Variants in GPATCH8 observed in about 807,000 individuals in gnomAD.
GPATCH8 encodes G-patch domain containing 8.
Under a neutral mutation model 118.3 loss-of-function variants are expected in GPATCH8, and 18 were observed. The observed-to-expected ratio is 0.15, with a 90% CI of 0.11 to 0.23. The LOEUF (loss-of-function observed/expected upper bound fraction) is 0.23. Among genes scored for constraint, GPATCH8 ranks in the 10% least tolerant of loss-of-function variants. The pLI is 1.00. For missense variants in GPATCH8, 1,631 were observed against 1,873.8 expected, an observed-to-expected ratio of 0.87 and a Z score of 2.39; for synonymous variants, 659 against 684.7, an observed-to-expected ratio of 0.96 and a Z score of 0.59.
At chr17:44,474,991 C>A in intron 1 of GPATCH8, 88 bp from the exon 2 acceptor site, 1 of 713,878 alleles carries the variant, frequency 1.4e-6, no homozygotes. Context: ...TTATTTTTAA[C>A]TTTTCTTTTT....
chr17:44,433,000 C>T (rs1034229158), intron 5 of GPATCH8, among the ~76,000 whole-genome samples: 1 of 152,058 alleles, frequency 6.6e-6, no homozygotes, highest in Non-Finnish European at 1.5e-5. Context: ...ACCACCAACA[C>T]CTAGCTATTT....
chr17:44,411,218 G>A (rs910429505), intron 6 of GPATCH8, among the ~76,000 whole-genome samples: 3 of 152,022 alleles, frequency 2.0e-5, no homozygotes, highest in Admixed American at 6.6e-5. Flanking sequence ...CAAGAAATAC[G>A]GCCTCTTTCT....
chr17:44,418,256 T>G (rs2049761112), intron 6 of GPATCH8, among the ~76,000 whole-genome samples: 1 of 152,144 alleles, frequency 6.6e-6, no homozygotes, highest in Non-Finnish European at 1.5e-5. Flanking sequence ...GGAAACAATA[T>G]TCTTTGGAGT....
At chr17:44,465,385 T>C (rs1250669885) in intron 2 of GPATCH8, 2 of 152,170 alleles carry the variant, frequency 1.3e-5, no homozygotes, top group Admixed American at 6.5e-5. Flanking sequence ...GGTATTTCAA[T>C]GTAAACTGCA....
Position 44,406,054 on chromosome 17 carries a change from G to A in GPATCH8, c.493-3C>T, listed in dbSNP as rs2049208674. 1 of 1,597,238 alleles carries A rather than the reference G, an allele frequency of 6.3e-7. No individual in the cohort carries two copies. The highest frequency in any genetic ancestry group is 1.3e-5 in the African/African-American group (1 of 74,628). ...CTCTGCTTCAGATCTTTTAATCTCT[G>A]GGTTAAAAGAAAGAAAGATACAGAG... On this transcript the variant is annotated splice_polypyrimidine_tract_variant and splice_region_variant and intron_variant, in intron 6 of 7. Coordinates refer to ENST00000591680, the MANE Select transcript of GPATCH8 (RefSeq NM_001002909.4).
At chr17:44,458,993 G>A (rs2051446362) in intron 3 of GPATCH8, among the ~76,000 whole-genome samples, 2 of 152,150 alleles carry the variant, frequency 1.3e-5, no homozygotes. Flanking sequence ...GTGGGGTAAG[G>A]AATGACAATG....
chr17:44,440,305 A>G (rs546446889), intron 3 of GPATCH8, among the ~76,000 whole-genome samples: 31 of 152,256 alleles, frequency 2.0e-4, no homozygotes, highest in Admixed American at 3.9e-4. Flanking sequence ...GAGAAGGGAA[A>G]GGAAACACAT....
chr17:44,489,504 C>T lies in GPATCH8; in HGVS notation c.45+13822G>A, dbSNP rs561722016. 3.5e-3 allele frequency among the ~76,000 whole-genome samples: 537 copies of T among 152,226 alleles called. 1 individual carries two copies. Among genetic ancestry groups the T allele is most frequent in the African/African-American group, 0.012 (507 of 41,530 alleles). On this transcript the variant is annotated intron_variant, in intron 1 of 7. Transcript: ENST00000591680. ...TACAGGCACCCGCCATCATGCCTGG[C>T]TAATTTTTGTATTTTAGTAGAGACG...
Position 44,399,102 on chromosome 17 carries a change from C to T in GPATCH8, c.2975G>A (p.Arg992His), listed in dbSNP as rs772254468. The change falls in exon 8 of 8, where the codon CGC becomes CAC. Residue 992 changes from arginine to histidine, a missense_variant. Coordinates refer to ENST00000591680, the MANE Select transcript of GPATCH8 (RefSeq NM_001002909.4). ...WQRSRSYSRD[R>H]SRSTRSPSQR... ...GGAAGGGCTCCTGGTGCTGCGGCTGCGGTCCCGGCTATAGCTCCGGCTCCG... is the reference window on the plus strand; with the variant it reads ...GGAAGGGCTCCTGGTGCTGCGGCTGTGGTCCCGGCTATAGCTCCGGCTCCG... The T allele has an allele frequency of 3.7e-5, 60 of 1,613,556 alleles. 1 individual carries two copies. The South Asian group carries it at 5.2e-4, about 14-fold the overall frequency.
chr17:44,484,802 A>G (rs931440803), intron 1 of GPATCH8, among the ~76,000 whole-genome samples: 4 of 152,132 alleles, frequency 2.6e-5, no homozygotes, highest in East Asian at 1.9e-4. Flanking sequence ...TCAATGTATC[A>G]TAAGTGCTAT....
At chr17:44,467,413 C>T (rs561977001) in intron 2 of GPATCH8, among the ~76,000 whole-genome samples, 1 of 152,088 alleles carries the variant, frequency 6.6e-6, no homozygotes, top group Non-Finnish European at 1.5e-5. Context: ...TGGCTGTCAC[C>T]TTCTCAGAAA....
At chr17:44,453,198 T>G (rs2051181479) in intron 3 of GPATCH8, among the ~76,000 whole-genome samples, 1 of 152,168 alleles carries the variant, frequency 6.6e-6, no homozygotes, top group African/African-American at 2.4e-5. Flanking sequence ...GCTTACAAAA[T>G]ACAATTCCAG....
Position 44,403,445 on chromosome 17 carries a change from C to G in GPATCH8, c.624-1992G>C, listed in dbSNP as rs963103180. Among the ~76,000 whole-genome samples, 5 of 152,062 alleles carry G rather than the reference C, an allele frequency of 3.3e-5. No homozygotes were observed. In the South Asian group the frequency reaches 6.2e-4, roughly 19 times the overall value. On this transcript the variant is annotated intron_variant, in intron 7 of 7. Coordinates refer to ENST00000591680, the MANE Select transcript of GPATCH8 (RefSeq NM_001002909.4). ...TGTTGACCAGTTTGGTCTTGAACAC[C>G]TGGCCTCAAGTGATCCTCCTGCCTC...
chr17:44,502,425 C>G (rs906363255), intron 1 of GPATCH8, among the ~76,000 whole-genome samples: 3 of 150,412 alleles, frequency 2.0e-5, no homozygotes, highest in Non-Finnish European at 2.9e-5. Context: ...TCTACTAAAT[C>G]CCTTTTAGTC....
chr17:44,402,225 C>T (rs958034199), intron 7 of GPATCH8, among the ~76,000 whole-genome samples: 4 of 141,382 alleles, frequency 2.8e-5, no homozygotes, highest in African/African-American at 1.1e-4. Flanking sequence ...GAGGCTGAGG[C>T]AGAAGAATAA....
chr17:44,464,699 A>C (rs2051691036), intron 2 of GPATCH8, 155 bp from the exon 3 acceptor site: 1 of 653,748 alleles, frequency 1.5e-6, no homozygotes, highest in Non-Finnish European at 2.8e-6. Context: ...AATAAGAGGG[A>C]CATTAATGTA....
At position 44,491,106 on chromosome 17, in the gene GPATCH8, C is replaced by T. The variant is rs554801774; in HGVS notation, c.45+12220G>A. On this transcript the variant is annotated intron_variant, in intron 1 of 7. Coordinates refer to ENST00000591680, the MANE Select transcript of GPATCH8 (RefSeq NM_001002909.4). ...ATTAGGACAAGTCAAAGATCACAATCAAGAGCCTATAATCTCAAAAAGCAA... is the reference window on the plus strand; with the variant it reads ...ATTAGGACAAGTCAAAGATCACAATTAAGAGCCTATAATCTCAAAAAGCAA... Among the ~76,000 whole-genome samples, 130 of 152,296 alleles carry T rather than the reference C, an allele frequency of 8.5e-4. No homozygotes were observed. The South Asian group carries it at 0.015, about 17-fold the overall frequency.
At position 44,397,510 on chromosome 17, in the gene GPATCH8, C is replaced by A. The variant is rs530207828; in HGVS notation, c.*58G>T. 13 of 1,198,114 alleles carry A rather than the reference C, an allele frequency of 1.1e-5. No homozygotes were observed. In the African/African-American group the frequency reaches 1.6e-4, roughly 15 times the overall value. The allele number at this position is 1,198,114 out of a possible 1,614,324, so 74.2% of individuals were successfully genotyped here. A position where few individuals can be genotyped will look rare whatever the true frequency, so the allele number is the denominator to read the frequency against. Reference sequence around the variant, plus strand: ...TGCTGGTATTAATGGCTCAACACCCCCAAGGGAACATTTATGGGTCTCCTC... The same window carrying A: ...TGCTGGTATTAATGGCTCAACACCCACAAGGGAACATTTATGGGTCTCCTC... On this transcript the variant is annotated 3_prime_UTR_variant, in exon 8 of 8. Transcript: ENST00000591680.
intron 6 of GPATCH8, among the ~76,000 whole-genome samples, chr17:44,410,628 G>A (rs1379247080): frequency 2.6e-5 from 4 of 152,142 alleles, no homozygotes; most frequent in African/African-American, 9.7e-5. Flanking sequence ...TTTTAGTTGG[G>A]AAATACCTTA....
Sources: gnomAD v4.1 joint callset for allele counts (sites outside exome capture counted in the v4.1 genomes callset) on GRCh38, gnomAD v4.1.1 for gene constraint, MANE v1.5 for transcripts, NCBI Gene and HGNC (gene_info 2026-07-23, HGNC 2026-07-21) for gene names.